The following FAM81B variants were observed in gnomAD, a reference collection of about 807,000 sequenced individuals.
The protein encoded by FAM81B is protein FAM81B.
Under a neutral mutation model 58.7 loss-of-function variants are expected in FAM81B, and 60 were observed. The observed-to-expected ratio is 1.02, with a 90% confidence interval of 0.83 to 1.27. The LOEUF is 1.27. Ranked by LOEUF, FAM81B falls within the 50% of genes most tolerant of loss-of-function variation. FAM81B has a pLI of 0.00. For synonymous variants in FAM81B, 189 were observed against 179.6 expected, an observed-to-expected ratio of 1.05 and a Z score of -0.42; for missense variants, 491 against 522.0, an observed-to-expected ratio of 0.94 and a Z score of 0.58.
intron 6 of FAM81B, among the ~76,000 whole-genome samples, chr5:95,435,038 G>A (rs1745046705): frequency 6.6e-6 from 1 of 152,336 alleles, no homozygotes; most frequent in Admixed American, 6.5e-5. Flanking sequence ...CTTTAGGATT[G>A]CAGTGCCATT....
chr5:95,394,264 A>G (rs897993271), intron 2 of FAM81B, among the ~76,000 whole-genome samples: 2 of 152,214 alleles, frequency 1.3e-5, no homozygotes, highest in African/African-American at 4.8e-5. Flanking sequence ...AATAAAAATA[A>G]AACATAGATC....
At chr5:95,404,403 C>T (rs1762192594) in intron 3 of FAM81B, among the ~76,000 whole-genome samples, 1 of 151,894 alleles carries the variant, frequency 6.6e-6, no homozygotes, top group Non-Finnish European at 1.5e-5. Flanking sequence ...TTTCTTTGCA[C>T]CTCAGATTTC....
intron 3 of FAM81B, among the ~76,000 whole-genome samples, chr5:95,409,709 T>C (rs1295081408): frequency 6.6e-6 from 1 of 152,186 alleles, no homozygotes; most frequent in East Asian, 1.9e-4. Flanking sequence ...CCACACACAC[T>C]GATCCTTGTG....
rs530604113 is a variant in FAM81B at position 95,446,949 on chromosome 5, T to A, written c.1029+252T>A. On this transcript the variant is annotated intron_variant, in intron 8 of 9. Coordinates refer to ENST00000283357, the MANE Select transcript of FAM81B (RefSeq NM_152548.3). ...AAAAGAATCTGAAGAGGTTTTTTTT[T>A]TTAAAAAAAAAAAAATAGATTGCCA... is the stretch of plus-strand genomic sequence containing the variant. 3.2e-4 allele frequency among the ~76,000 whole-genome samples: 35 copies of A among 109,458 alleles called. No homozygotes were observed. The South Asian group carries it at 4.6e-3, about 14-fold the overall frequency. The allele number at this position is 109,458 out of a possible 152,430, so 71.8% of individuals were successfully genotyped here. A position where few individuals can be genotyped will look rare whatever the true frequency, so the allele number is the denominator to read the frequency against.
chr5:95,393,411 G>A (rs892101169), intron 2 of FAM81B, among the ~76,000 whole-genome samples: 1 of 152,138 alleles, frequency 6.6e-6, no homozygotes, highest in Non-Finnish European at 1.5e-5. Context: ...TTGATTTTTG[G>A]TATGTATTAT....
At chr5:95,419,829 C>CA (rs1337456428) in intron 4 of FAM81B, among the ~76,000 whole-genome samples, 1 of 152,090 alleles carries the variant, frequency 6.6e-6, no homozygotes, top group Non-Finnish European at 1.5e-5. Context: ...TTGCCTGATG[C>CA]AATATTGAAA....
chr5:95,441,981 C>T (rs1745375798), intron 7 of FAM81B, among the ~76,000 whole-genome samples: 1 of 152,156 alleles, frequency 6.6e-6, no homozygotes, highest in African/African-American at 2.4e-5. Flanking sequence ...GTTTAGTAGA[C>T]AGTGATTTAT....
intron 5 of FAM81B, among the ~76,000 whole-genome samples, chr5:95,421,021 C>T (rs949935940): frequency 6.6e-6 from 1 of 152,136 alleles, no homozygotes; most frequent in Non-Finnish European, 1.5e-5. Flanking sequence ...TCTGGTTAAT[C>T]CTCTCGGAAT....
intron 3 of FAM81B, among the ~76,000 whole-genome samples, chr5:95,398,208 C>G (rs1451406534): frequency 6.6e-6 from 1 of 152,142 alleles, no homozygotes; most frequent in African/African-American, 2.4e-5. Flanking sequence ...CACCTGATGT[C>G]AGGAGTTGAA....
At chr5:95,419,690 G>A (rs190019388) in intron 4 of FAM81B, among the ~76,000 whole-genome samples, 13 of 152,216 alleles carry the variant, frequency 8.5e-5, no homozygotes, top group African/African-American at 2.6e-4. Context: ...ACACAAATGA[G>A]CCAGAAATCT....
intron 7 of FAM81B, chr5:95,440,285 T>C (rs778540008): frequency 1.3e-5 from 12 of 934,740 alleles, no homozygotes; most frequent in Non-Finnish European, 1.9e-5. Flanking sequence ...TACCTGATTA[T>C]GCAAAAACTG....
At chr5:95,396,085 T>C in intron 2 of FAM81B, 26 bp from the exon 3 acceptor site, 4 of 1,568,840 alleles carry the variant, frequency 2.5e-6, no homozygotes, top group Non-Finnish European at 3.5e-6. Flanking sequence ...AGATGATATA[T>C]TCTGAATCTG....
intron 2 of FAM81B, among the ~76,000 whole-genome samples, chr5:95,394,143 T>C (rs1292389798): frequency 1.3e-5 from 2 of 152,360 alleles, no homozygotes; most frequent in African/African-American, 4.8e-5. Flanking sequence ...CTTTTCCAAA[T>C]ATTCCTCCAT....
Position 95,413,992 on chromosome 5 carries a change from G to T in FAM81B, c.339G>T (p.Gln113His). The change falls in exon 4 of 10, where the codon CAG becomes CAT. Residue 113 changes from glutamine to histidine, a missense_variant. By Grantham distance (24) the Gln-to-His change is conservative. Transcript: ENST00000283357. ...TCATTCCAAACACCCAGAGAGGTCA[G>T]CTAGAAGACAGACTGAACAACCAGG... Reference protein sequence around the residue: ...LPIIPNTQRGQLEDRLNNQAR... With the variant: ...LPIIPNTQRGHLEDRLNNQAR... 5 of 1,614,004 alleles carry T rather than the reference G, an allele frequency of 3.1e-6. No homozygotes were observed. The highest frequency in any genetic ancestry group is 4.2e-6 in the Non-Finnish European group (5 of 1,179,974).
Position 95,436,747 on chromosome 5 carries a change from G to A in FAM81B, c.787-53G>A. ...CCTTAAAGGAATAAAGTATATTAAT[G>A]TGAATGCTGGTGGTTTTGTTCATAT... On this transcript the variant is annotated intron_variant, in intron 6 of 9. Coordinates refer to ENST00000283357, the MANE Select transcript of FAM81B (RefSeq NM_152548.3). 13 of 1,127,324 alleles carry A rather than the reference G, an allele frequency of 1.2e-5. No individual in the cohort carries two copies. In the South Asian group the frequency reaches 1.6e-4, roughly 14 times the overall value. The allele number at this position is 1,127,324 out of a possible 1,614,324, so 69.8% of individuals were successfully genotyped here. A position where few individuals can be genotyped will look rare whatever the true frequency, so the allele number is the denominator to read the frequency against.
At chr5:95,398,973 T>C (rs1012823219) in intron 3 of FAM81B, among the ~76,000 whole-genome samples, 1 of 152,222 alleles carries the variant, frequency 6.6e-6, no homozygotes, top group African/African-American at 2.4e-5. Context: ...AAATGAATCC[T>C]GAGTTTCTGC....
At position 95,408,748 on chromosome 5, in the gene FAM81B, A is replaced by T. The variant is rs547227556; in HGVS notation, c.294-5199A>T. On this transcript the variant is annotated intron_variant, in intron 3 of 9. Coordinates refer to ENST00000283357, the MANE Select transcript of FAM81B (RefSeq NM_152548.3). ...TGGTGTTATCATGAAGATTCAATAG[A>T]TGACTCATTTAAAGTGCTAGCCACA... 1.6e-4 allele frequency among the ~76,000 whole-genome samples: 25 copies of T among 152,362 alleles called. 1 individual carries two copies. The South Asian group carries it at 5.2e-3, about 32-fold the overall frequency.
chr5:95,440,325 T>C (rs1036837137), intron 7 of FAM81B: 21 of 971,708 alleles, frequency 2.2e-5, no homozygotes, highest in African/African-American at 1.6e-5. Context: ...TGCAGAACCA[T>C]TGATCAATTT....
At chr5:95,411,269 T>C (rs947816931) in intron 3 of FAM81B, among the ~76,000 whole-genome samples, 56 of 152,132 alleles carry the variant, frequency 3.7e-4, no homozygotes, top group African/African-American at 1.2e-3. Context: ...CAATCCTGAA[T>C]GTCATAATAC....
Sources: gnomAD v4.1 joint callset for allele counts (sites outside exome capture counted in the v4.1 genomes callset) on GRCh38, gnomAD v4.1.1 for gene constraint, MANE v1.5 for transcripts, NCBI Gene and HGNC (gene_info 2026-07-23, HGNC 2026-07-21) for gene names.